The following SMURF2 variants were observed in gnomAD, a reference collection of about 807,000 sequenced individuals.
The protein encoded by SMURF2 is E3 ubiquitin-protein ligase SMURF2.
Under a neutral mutation model 109.6 loss-of-function variants are expected in SMURF2, and 48 were observed. That is an observed-to-expected ratio of 0.44 (90% CI 0.35 to 0.56). The LOEUF (loss-of-function observed/expected upper bound fraction) is 0.56. Among genes scored for constraint, SMURF2 ranks in the 20% least tolerant of loss-of-function variants. The pLI, the probability that SMURF2 is intolerant of heterozygous loss-of-function variation, is 0.01. For synonymous variants in SMURF2, 288 were observed against 317.1 expected, an observed-to-expected ratio of 0.91 and a Z score of 0.97; for missense variants, 575 against 909.0, an observed-to-expected ratio of 0.63 and a Z score of 4.72.
rs1342912506 is a variant in SMURF2, at chr17:64,648,084, A to C, written c.52+13745T>G. 1.4e-3 allele frequency among the ~76,000 whole-genome samples: 214 copies of C among 149,546 alleles called. 2 individuals carry two copies. The highest frequency in any genetic ancestry group is 2.6e-3 in the Non-Finnish European group (174 of 67,310). On this transcript the variant is annotated intron_variant, in intron 1 of 18. Coordinates refer to ENST00000262435, the MANE Select transcript of SMURF2 (RefSeq NM_022739.4). ...AAAAAAAAAAAAAAAAAAAAAAAAA[A>C]AAAAAAAACAGGATCTCAATAGTAA...
Position 64,543,343 on chromosome 17 carries a change from C to T in SMURF2, c.*2505G>A, listed in dbSNP as rs1044345355. 3 of 150,068 alleles carry T rather than the reference C, an allele frequency of 2.0e-5. No individual in the cohort carries two copies. Among genetic ancestry groups the T allele is most frequent in the Non-Finnish European group, 2.9e-5 (2 of 67,810 alleles). 9.3% of individuals were successfully genotyped at this position (150,068 alleles called of 1,614,324 possible). On this transcript the variant is annotated 3_prime_UTR_variant, in exon 19 of 19. Coordinates refer to ENST00000262435, the MANE Select transcript of SMURF2 (RefSeq NM_022739.4). Reference sequence around the variant, plus strand: ...AGGCTGGAGTGCAGTGGTGCGATCTCGGCTCACTGCAATCTCTGCCTCCCA... The same window carrying T: ...AGGCTGGAGTGCAGTGGTGCGATCTTGGCTCACTGCAATCTCTGCCTCCCA...
rs1162736301 is a variant in SMURF2, at chr17:64,544,794, CTG to C, written c.*1052_*1053del. On this transcript the variant is annotated 3_prime_UTR_variant, in exon 19 of 19. Coordinates refer to ENST00000262435, the MANE Select transcript of SMURF2 (RefSeq NM_022739.4). Reference sequence around the variant, plus strand: ...GAGCAAAATTCTTCCTTTTTCATAACTGTAGCTGATTAAAATTATGAGCAGTT... The same window carrying C: ...GAGCAAAATTCTTCCTTTTTCATAACTAGCTGATTAAAATTATGAGCAGTT... 2.0e-5 allele frequency: 3 copies of C among 152,458 alleles called. No homozygotes were observed. Among genetic ancestry groups the C allele is most frequent in the African/African-American group, 7.2e-5 (3 of 41,420 alleles). The allele number at this position is 152,458 out of a possible 1,614,324, so 9.4% of individuals were successfully genotyped here.
rs1435588001 is a variant in SMURF2, at chr17:64,562,801, G to A, written c.1182C>T (p.Arg394=). 6.2e-7 allele frequency: 1 copy of A among 1,613,852 alleles called. No individual in the cohort carries two copies. The highest frequency in any genetic ancestry group is 1.7e-5 in the Admixed American group (1 of 59,936). The change falls in exon 11 of 19, where the codon CGC becomes CGT. Residue 394 remains arginine (R), a synonymous_variant. Transcript: ENST00000262435. The part of the protein sequence containing the change: ...SQQQPQAGHC[R]IEVSREEIFE... ...AAATCTCTTCCCTGGAAACCTCAAT[G>A]CGGCAATGACCTGCCTGAGGCTGTT...
chr17:64,637,097 C>G (rs1010821432), intron 1 of SMURF2, among the ~76,000 whole-genome samples: 10 of 151,630 alleles, frequency 6.6e-5, no homozygotes, highest in African/African-American at 2.4e-4. Flanking sequence ...TTGACAGAAT[C>G]CAATCCAAAG....
chr17:64,549,944 G>A (rs1428268892), intron 16 of SMURF2, among the ~76,000 whole-genome samples: 3 of 152,178 alleles, frequency 2.0e-5, no homozygotes, highest in Non-Finnish European at 4.4e-5. Flanking sequence ...TGAACAGGGA[G>A]GAGGTTATCC....
At chr17:64,594,587 C>T (rs547132787) in intron 3 of SMURF2, among the ~76,000 whole-genome samples, 11 of 152,234 alleles carry the variant, frequency 7.2e-5, no homozygotes, top group Non-Finnish European at 1.5e-4. Flanking sequence ...TACCAATTTT[C>T]GAATACACCT....
intron 1 of SMURF2, among the ~76,000 whole-genome samples, chr17:64,637,068 A>C (rs1970426751): frequency 6.6e-6 from 1 of 152,066 alleles, no homozygotes; most frequent in African/African-American, 2.4e-5. Context: ...AAAATAAATA[A>C]ATAAGATTTT....
At chr17:64,616,587 G>A (rs1028692040) in intron 1 of SMURF2, among the ~76,000 whole-genome samples, 1 of 151,188 alleles carries the variant, frequency 6.6e-6, no homozygotes, top group African/African-American at 2.4e-5. Flanking sequence ...CCCAGGAGGC[G>A]GAGGTTACAG....
At chr17:64,570,950 T>G (rs782417902) in intron 10 of SMURF2, among the ~76,000 whole-genome samples, 5 of 152,066 alleles carry the variant, frequency 3.3e-5, no homozygotes, top group Non-Finnish European at 7.4e-5. Flanking sequence ...CCAGCTAATT[T>G]TAAAAAAATT....
At chr17:64,565,559 A>G (rs1969287996) in intron 10 of SMURF2, among the ~76,000 whole-genome samples, 1 of 152,182 alleles carries the variant, frequency 6.6e-6, no homozygotes, top group Non-Finnish European at 1.5e-5. Flanking sequence ...ATGCAATGCC[A>G]GTCAAAGGAA....
At chr17:64,636,550 C>G (rs915353102) in intron 1 of SMURF2, among the ~76,000 whole-genome samples, 3 of 139,162 alleles carry the variant, frequency 2.2e-5, no homozygotes, top group African/African-American at 8.2e-5. Flanking sequence ...TTGAGTGAGA[C>G]GAGATTGCAT....
Position 64,555,819 on chromosome 17 carries a change from C to G in SMURF2, c.1610+1G>C. On this transcript the variant is annotated splice_donor_variant, in intron 14 of 18. Transcript: ENST00000262435. LOFTEE classifies it high-confidence loss of function. Reference sequence around the variant, plus strand: ...GAAGAGATAGAAGACTCAATACATACAGTATCCACACTAAACTGTTGTGAA... The same window carrying G: ...GAAGAGATAGAAGACTCAATACATAGAGTATCCACACTAAACTGTTGTGAA... 1 of 1,599,954 alleles carries G rather than the reference C, an allele frequency of 6.3e-7. No homozygotes were observed. The highest frequency in any genetic ancestry group is 8.5e-7 in the Non-Finnish European group (1 of 1,170,046).
intron 1 of SMURF2, among the ~76,000 whole-genome samples, chr17:64,626,760 C>A (rs1555691207): frequency 2.6e-5 from 4 of 151,412 alleles, no homozygotes; most frequent in Non-Finnish European, 5.9e-5. Flanking sequence ...AAGATTCCAT[C>A]AAAAAAACAA....
At chr17:64,563,595 T>C (rs1555684736) in intron 10 of SMURF2, among the ~76,000 whole-genome samples, 1 of 152,190 alleles carries the variant, frequency 6.6e-6, no homozygotes, top group African/African-American at 2.4e-5. Flanking sequence ...GTATATTTCA[T>C]ATCAGATACA....
At chr17:64,615,624 T>C (rs1359292100) in intron 1 of SMURF2, among the ~76,000 whole-genome samples, 1 of 152,228 alleles carries the variant, frequency 6.6e-6, no homozygotes, top group African/African-American at 2.4e-5. Flanking sequence ...ATTTTTTATG[T>C]GTTTTAGTTA....
rs782614861 is a variant in SMURF2, at chr17:64,581,470, T to G, written c.570-479A>C. On this transcript the variant is annotated intron_variant, in intron 7 of 18. Coordinates refer to ENST00000262435, the MANE Select transcript of SMURF2 (RefSeq NM_022739.4). This position sits in a 1 kb window ranked among gnomAD's most constrained non-coding sequence, Gnocchi z 4.3. ...ACTCTCCCTAGGCCTGGCTCTTTTTTGTCATTCAAATCAGTTTATTATTGC... is the reference window on the plus strand; with the variant it reads ...ACTCTCCCTAGGCCTGGCTCTTTTTGGTCATTCAAATCAGTTTATTATTGC... Among the ~76,000 whole-genome samples, 16 of 152,162 alleles carry G rather than the reference T, an allele frequency of 1.1e-4. No individual in the cohort carries two copies. The highest frequency in any genetic ancestry group is 1.9e-4 in the Non-Finnish European group (13 of 68,030).
intron 1 of SMURF2, among the ~76,000 whole-genome samples, chr17:64,656,224 A>G (rs1970703429): frequency 6.6e-6 from 1 of 152,238 alleles, no homozygotes; most frequent in South Asian, 2.1e-4. Flanking sequence ...AAGATAACAC[A>G]TTTCTACATG....
chr17:64,611,094 A>G (rs1451393875), intron 1 of SMURF2, among the ~76,000 whole-genome samples: 3 of 152,178 alleles, frequency 2.0e-5, no homozygotes, highest in Non-Finnish European at 4.4e-5. Flanking sequence ...TAAAACTTGA[A>G]GTTCTTCAGG....
chr17:64,557,592 T>C lies in SMURF2; in HGVS notation c.1431+16A>G, dbSNP rs2144597572. Reference sequence around the variant, plus strand: ...GCATTATTGGTCACAATTCACATCATAACTTCAAATCATACCGGATTAACT... The same window carrying C: ...GCATTATTGGTCACAATTCACATCACAACTTCAAATCATACCGGATTAACT... On this transcript the variant is annotated intron_variant, in intron 13 of 18. Transcript: ENST00000262435. The C allele has an allele frequency of 1.4e-6, 2 of 1,449,810 alleles. No homozygotes were observed. Among genetic ancestry groups the C allele is most frequent in the East Asian group, 4.6e-5 (2 of 43,848 alleles). The allele number at this position is 1,449,810 out of a possible 1,614,324, so 89.8% of individuals were successfully genotyped here. A position where few individuals can be genotyped will look rare whatever the true frequency, so the allele number is the denominator to read the frequency against.
Sources: gnomAD v4.1 joint callset for allele counts (sites outside exome capture counted in the v4.1 genomes callset) on GRCh38, gnomAD v4.1.1 for gene constraint, Gnocchi (gnomAD v3.1) non-coding constraint, MANE v1.5 for transcripts, NCBI Gene and HGNC (gene_info 2026-07-23, HGNC 2026-07-21) for gene names.